The following NKAIN2 variants were observed in gnomAD, a reference collection of about 807,000 sequenced individuals.
NKAIN2 encodes sodium/potassium-transporting ATPase subunit beta-1-interacting protein 2.
A neutral mutation model predicts 32.6 loss-of-function variants in NKAIN2; 14 were observed. That is an observed-to-expected ratio of 0.43 (90% CI 0.28 to 0.67). The LOEUF is 0.67. NKAIN2 is among the 30% of genes least tolerant of loss of function. The pLI is 0.17. For missense variants in NKAIN2, 198 were observed against 258.3 expected (o/e 0.77, Z 1.60); for synonymous variants, 80 against 87.2 (o/e 0.92, Z 0.46).
intron 1 of NKAIN2, among the ~76,000 whole-genome samples, chr6:124,198,683 A>G (rs1015204133): frequency 6.6e-6 from 1 of 151,908 alleles, no homozygotes; most frequent in Non-Finnish European, 1.5e-5. Flanking sequence ...GAGTCCAAGG[A>G]ATTGCACAGT....
intron 1 of NKAIN2, among the ~76,000 whole-genome samples, chr6:124,029,618 G>A (rs1781314291): frequency 6.6e-6 from 1 of 152,096 alleles, no homozygotes; most frequent in Admixed American, 6.6e-5. Context: ...GTTTAGAGAA[G>A]TGAGGTTTAG....
chr6:123,965,787 T>C (rs1323583616), intron 1 of NKAIN2, among the ~76,000 whole-genome samples: 1 of 152,224 alleles, frequency 6.6e-6, no homozygotes, highest in Non-Finnish European at 1.5e-5. Flanking sequence ...GATCCCTTCC[T>C]CCTTTGAATT....
At chr6:124,165,281 T>G (rs1213030830) in intron 1 of NKAIN2, among the ~76,000 whole-genome samples, 1 of 152,054 alleles carries the variant, frequency 6.6e-6, no homozygotes, top group African/African-American at 2.4e-5. Context: ...GCACTGTCCC[T>G]TGAGGAAAAA....
chr6:123,882,327 G>A (rs78194607), intron 1 of NKAIN2, among the ~76,000 whole-genome samples: 3,450 of 152,050 alleles, frequency 0.023, 59 homozygotes, highest in Middle Eastern at 0.048. Flanking sequence ...GGCATGAGTC[G>A]CTTTACATCC....
At chr6:124,334,335 A>G (rs745601388) in intron 2 of NKAIN2, among the ~76,000 whole-genome samples, 1 of 152,242 alleles carries the variant, frequency 6.6e-6, no homozygotes, top group Non-Finnish European at 1.5e-5. Flanking sequence ...CCCCAGACAG[A>G]GTCGATTTAT....
intron 1 of NKAIN2, among the ~76,000 whole-genome samples, chr6:123,850,311 C>T (rs1374463740): frequency 6.8e-6 from 1 of 147,898 alleles, no homozygotes; most frequent in African/African-American, 2.5e-5. Flanking sequence ...CATTTCCCCG[C>T]CTAACTGGCT....
chr6:124,686,467 G>A (rs1386941520), intron 4 of NKAIN2, among the ~76,000 whole-genome samples: 2 of 151,894 alleles, frequency 1.3e-5, no homozygotes, highest in South Asian at 4.2e-4. Flanking sequence ...AAAGGGGAGG[G>A]GTGCTACACA....
intron 1 of NKAIN2, among the ~76,000 whole-genome samples, chr6:124,192,742 T>G (rs4534001): frequency 1.3e-5 from 1 of 77,490 alleles, no homozygotes; most frequent in African/African-American, 7.4e-5. Flanking sequence ...GTTCCATCCG[T>G]TTTTTTTTTT....
chr6:124,809,728 T>C (rs1424020998), intron 5 of NKAIN2, among the ~76,000 whole-genome samples: 1 of 151,836 alleles, frequency 6.6e-6, no homozygotes, highest in East Asian at 1.9e-4. Flanking sequence ...TTTCACAACC[T>C]ACTCATCTGA....
At chr6:124,342,358 G>T (rs185004785) in intron 2 of NKAIN2, among the ~76,000 whole-genome samples, 2 of 148,808 alleles carry the variant, frequency 1.3e-5, no homozygotes, top group Non-Finnish European at 3.0e-5. Context: ...GCAGTGAGCC[G>T]AGATTGCCCC....
At chr6:124,817,851 T>A (rs879766498) in intron 5 of NKAIN2, among the ~76,000 whole-genome samples, 1 of 152,222 alleles carries the variant, frequency 6.6e-6, no homozygotes, top group Non-Finnish European at 1.5e-5. Flanking sequence ...TTGTTTAAGA[T>A]GGTAAACCAC....
intron 1 of NKAIN2, among the ~76,000 whole-genome samples, chr6:124,045,478 A>G (rs946515134): frequency 2.6e-5 from 4 of 152,070 alleles, no homozygotes; most frequent in Non-Finnish European, 5.9e-5. Flanking sequence ...ACACATTCTT[A>G]GAGGAAATAT....
At chr6:124,194,027 T>G (rs984310859) in intron 1 of NKAIN2, among the ~76,000 whole-genome samples, 2 of 151,948 alleles carry the variant, frequency 1.3e-5, no homozygotes, top group African/African-American at 4.8e-5. Flanking sequence ...CGTCCCATTG[T>G]CTCTTAGTCT....
chr6:124,637,989 C>G (rs1216846960), intron 3 of NKAIN2, among the ~76,000 whole-genome samples: 1 of 152,116 alleles, frequency 6.6e-6, no homozygotes, highest in African/African-American at 2.4e-5. Flanking sequence ...AGGCATCATA[C>G]TATCTAACTT....
intron 1 of NKAIN2, among the ~76,000 whole-genome samples, chr6:124,151,059 C>G (rs1417422836): frequency 1.3e-5 from 2 of 151,904 alleles, no homozygotes; most frequent in African/African-American, 4.8e-5. Flanking sequence ...AACCCTTTGT[C>G]ATGTTTCTTT....
intron 1 of NKAIN2, among the ~76,000 whole-genome samples, chr6:124,123,971 A>G (rs1483620160): frequency 6.6e-6 from 1 of 151,532 alleles, no homozygotes; most frequent in Non-Finnish European, 1.5e-5. Context: ...TGATTCATCA[A>G]TATCACTGGC....
At chr6:124,664,553 G>A (rs1337070404) in intron 4 of NKAIN2, among the ~76,000 whole-genome samples, 1 of 151,392 alleles carries the variant, frequency 6.6e-6, no homozygotes, top group Non-Finnish European at 1.5e-5. Flanking sequence ...AAAATTTCTT[G>A]GGAGGCCGAG....
intron 1 of NKAIN2, among the ~76,000 whole-genome samples, chr6:123,938,500 TATATA>T (rs1207664616): frequency 7.2e-5 from 10 of 138,344 alleles, no homozygotes; most frequent in Non-Finnish European, 1.4e-4. Context: ...TATATATTTA[TATATA>T]ATATATTATA....
chr6:124,210,767 A>G (rs1451962809), intron 1 of NKAIN2, among the ~76,000 whole-genome samples: 1 of 151,678 alleles, frequency 6.6e-6, no homozygotes, highest in African/African-American at 2.4e-5. Flanking sequence ...GCATATAGAA[A>G]TGCTACTGAT....
Sources: gnomAD v4.1 joint callset for allele counts (sites outside exome capture counted in the v4.1 genomes callset) on GRCh38, gnomAD v4.1.1 for gene constraint, MANE v1.5 for transcripts, NCBI Gene and HGNC (gene_info 2026-07-23, HGNC 2026-07-21) for gene names.